Variants in CNTN4 observed in about 807,000 individuals in gnomAD.
CNTN4 encodes the protein contactin 4.
CNTN4 carries 77 observed loss-of-function variants against 122.5 expected under a neutral mutation model. That is an observed-to-expected ratio of 0.63 (90% CI 0.52 to 0.76). The LOEUF is 0.76. Among genes scored for constraint, CNTN4 ranks in the 30% least tolerant of loss-of-function variants. The pLI is 0.00. For synonymous variants in CNTN4, 512 were observed against 447.0 expected, an observed-to-expected ratio of 1.15 and a Z score of -1.83; for missense variants, 1,256 against 1,259.1, an observed-to-expected ratio of 1.00 and a Z score of 0.04.
rs11707769 is a variant in CNTN4 at position 3,033,249 on chromosome 3, A to G, written c.1784-1383A>G. On this transcript the variant is annotated intron_variant, in intron 16 of 24. Coordinates refer to ENST00000418658, the MANE Select transcript of CNTN4 (RefSeq NM_175607.3). ...GGGTCCCAAGACCAAAGGTTACATCAGCTCTATCTAGGTGACATTAGACTG... is the reference window on the plus strand; with the variant it reads ...GGGTCCCAAGACCAAAGGTTACATCGGCTCTATCTAGGTGACATTAGACTG... 9.5e-3 allele frequency among the ~76,000 whole-genome samples: 1,441 copies of G among 152,342 alleles called. 7 individuals carry two copies. Among genetic ancestry groups the G allele is most frequent in the Non-Finnish European group, 0.015 (1,021 of 68,034 alleles).
intron 6 of CNTN4, among the ~76,000 whole-genome samples, chr3:2,773,211 A>G (rs2091179789): frequency 6.6e-6 from 1 of 152,106 alleles, no homozygotes; most frequent in African/African-American, 2.4e-5. Context: ...AGAGAAGTGC[A>G]CAGCTGAAGG....
chr3:2,994,316 A>C (rs1055885963), intron 14 of CNTN4, among the ~76,000 whole-genome samples: 1 of 152,226 alleles, frequency 6.6e-6, no homozygotes, highest in African/African-American at 2.4e-5. Context: ...CTGTTTATTT[A>C]AATGTCTAAA....
intron 6 of CNTN4, among the ~76,000 whole-genome samples, chr3:2,783,187 G>A (rs891561680): frequency 2.0e-5 from 3 of 152,110 alleles, no homozygotes; most frequent in Middle Eastern, 3.4e-3. Context: ...TACTCAGGAA[G>A]CTGAGGTGGG....
At chr3:2,899,861 A>G (rs1223339238) in intron 10 of CNTN4, among the ~76,000 whole-genome samples, 2 of 152,210 alleles carry the variant, frequency 1.3e-5, no homozygotes, top group Non-Finnish European at 2.9e-5. Flanking sequence ...TACGAAATCA[A>G]TAATAAACAA....
intron 3 of CNTN4, among the ~76,000 whole-genome samples, chr3:2,507,747 AAAAG>A (rs982935075): frequency 2.7e-5 from 4 of 150,322 alleles, no homozygotes; most frequent in African/African-American, 4.9e-5. Flanking sequence ...AAAAAAAAAA[AAAAG>A]AAAGAAAGAA....
At chr3:3,034,820 A>G (rs755846754) in intron 17 of CNTN4, 30 bp downstream of exon 17, 3 of 1,613,038 alleles carry the variant, frequency 1.9e-6, no homozygotes, top group East Asian at 2.2e-5. Context: ...GCTCAGAGAC[A>G]TTGGGAACTC....
rs397988483 is a variant in CNTN4 at position 2,520,259 on chromosome 3, C to CTTTTTTTTTTTT, written c.-88-51137_-88-51126dup. Among the ~76,000 whole-genome samples, 21 of 74,466 alleles carry CTTTTTTTTTTTT rather than the reference C, an allele frequency of 2.8e-4. 1 individual carries two copies. Among genetic ancestry groups the CTTTTTTTTTTTT allele is most frequent in the African/African-American group, 1.4e-3 (19 of 13,850 alleles). The allele number at this position is 74,466 out of a possible 152,430, so 48.9% of individuals were successfully genotyped here. A position where few individuals can be genotyped will look rare whatever the true frequency, so the allele number is the denominator to read the frequency against. On this transcript the variant is annotated intron_variant, in intron 3 of 24. Coordinates refer to ENST00000418658, the MANE Select transcript of CNTN4 (RefSeq NM_175607.3). The stretch of plus-strand genomic sequence containing the variant: ...AAAAAGATAGGTTGGTGATTGCTTC[C>CTTTTTTTTTTTT]TTTTTTTTTTTTTTTTTTTTTTTTT...
chr3:2,604,104 C>T (rs993496432), intron 4 of CNTN4, among the ~76,000 whole-genome samples: 1 of 152,160 alleles, frequency 6.6e-6, no homozygotes, highest in Non-Finnish European at 1.5e-5. Context: ...CACATTTCAT[C>T]TGCCAGAGTA....
At chr3:2,424,347 A>G (rs1425476497) in intron 3 of CNTN4, among the ~76,000 whole-genome samples, 1 of 151,700 alleles carries the variant, frequency 6.6e-6, no homozygotes, top group Non-Finnish European at 1.5e-5. Flanking sequence ...TAGTTTGCTG[A>G]CAATGATGGT....
At chr3:2,184,265 G>T (rs2037148903) in intron 2 of CNTN4, among the ~76,000 whole-genome samples, 1 of 152,138 alleles carries the variant, frequency 6.6e-6, no homozygotes, top group African/African-American at 2.4e-5. Flanking sequence ...AATTTTACAG[G>T]AGTGAGCCAC....
intron 3 of CNTN4, among the ~76,000 whole-genome samples, chr3:2,552,417 A>T (rs555032159): frequency 6.6e-6 from 1 of 152,178 alleles, no homozygotes; most frequent in Non-Finnish European, 1.5e-5. Flanking sequence ...GCCCTTGTAA[A>T]TTAGGGAATA....
chr3:3,023,760 GCA>G (rs1698488610), intron 14 of CNTN4, among the ~76,000 whole-genome samples: 1 of 152,158 alleles, frequency 6.6e-6, no homozygotes, highest in Non-Finnish European at 1.5e-5. Flanking sequence ...GCAACCATCT[GCA>G]CCCCATGGCA....
intron 13 of CNTN4, among the ~76,000 whole-genome samples, chr3:2,967,973 T>C (rs1692498189): frequency 6.6e-6 from 1 of 152,080 alleles, no homozygotes; most frequent in Non-Finnish European, 1.5e-5. Context: ...GTCATCTGTC[T>C]ATGAACCATG....
At chr3:3,055,369 A>G (rs1248320741) in intron 24 of CNTN4, among the ~76,000 whole-genome samples, 2 of 152,240 alleles carry the variant, frequency 1.3e-5, no homozygotes, top group Non-Finnish European at 2.9e-5. Flanking sequence ...TCATTACAAA[A>G]ACATATATTA....
chr3:2,627,718 C>T (rs1448833732), intron 4 of CNTN4, among the ~76,000 whole-genome samples: 4 of 152,068 alleles, frequency 2.6e-5, no homozygotes, highest in Admixed American at 6.5e-5. Flanking sequence ...TGGTCTCGAT[C>T]TCCTGACCTT....
At chr3:2,620,986 T>A (rs933733774) in intron 4 of CNTN4, among the ~76,000 whole-genome samples, 1 of 152,196 alleles carries the variant, frequency 6.6e-6, no homozygotes, top group Non-Finnish European at 1.5e-5. Context: ...AAGTACATAT[T>A]TGAGGCTGAG....
At chr3:2,461,751 C>T (rs2049219909) in intron 3 of CNTN4, among the ~76,000 whole-genome samples, 1 of 152,232 alleles carries the variant, frequency 6.6e-6, no homozygotes, top group African/African-American at 2.4e-5. Context: ...ATGCCAGCCA[C>T]TCTTCTAAGT....
chr3:2,215,831 C>T (rs779070683), intron 2 of CNTN4, among the ~76,000 whole-genome samples: 2 of 131,814 alleles, frequency 1.5e-5, no homozygotes, highest in South Asian at 2.3e-4. Flanking sequence ...TGCAGTGAGC[C>T]GAGACTGTGC....
intron 3 of CNTN4, among the ~76,000 whole-genome samples, chr3:2,429,929 T>C (rs905858581): frequency 1.3e-5 from 2 of 152,124 alleles, no homozygotes; most frequent in South Asian, 4.1e-4. Flanking sequence ...AGTGCAGTAT[T>C]AGGATGGGAG....
Sources: gnomAD v4.1 joint callset for allele counts (sites outside exome capture counted in the v4.1 genomes callset) on GRCh38, gnomAD v4.1.1 for gene constraint, MANE v1.5 for transcripts, NCBI Gene and HGNC (gene_info 2026-07-23, HGNC 2026-07-21) for gene names.